The following NXN variants were observed in gnomAD, a reference collection of about 807,000 sequenced individuals.
The protein encoded by NXN is nucleoredoxin.
In NXN, 16 loss-of-function variants were observed where a neutral mutation model predicts 48.6. The observed-to-expected ratio is 0.33, with a 90% CI of 0.22 to 0.50. NXN has a LOEUF of 0.50. NXN is among the 20% of genes least tolerant of loss of function. The pLI is 0.98. For missense variants in NXN, 492 were observed against 605.5 expected, an observed-to-expected ratio of 0.81 and a Z score of 1.97; for synonymous variants, 281 against 269.6, an observed-to-expected ratio of 1.04 and a Z score of -0.41.
intron 1 of NXN, among the ~76,000 whole-genome samples, chr17:918,543 C>T (rs62070220): frequency 0.1 from 15,693 of 152,046 alleles, 837 homozygotes; most frequent in South Asian, 0.15. Flanking sequence ...TGCCTGTAAT[C>T]CCAGAAAGTG....
In NXN at chr17:917,117, C is replaced by T. The variant is rs1446460711; in HGVS notation, c.360+62202G>A. On this transcript the variant is annotated intron_variant, in intron 1 of 7. Coordinates refer to ENST00000336868, the MANE Select transcript of NXN (RefSeq NM_022463.5). This position sits in a 1 kb window ranked among gnomAD's most constrained non-coding sequence, Gnocchi z 4.5. ...TTGCCTCCAACAAGATTCCCTGTTC[C>T]TAAGTGAACCAAGGAATGAGGTGTT... 6.6e-6 allele frequency among the ~76,000 whole-genome samples: 1 copy of T among 151,998 alleles called. No individual in the cohort carries two copies. Among genetic ancestry groups the T allele is most frequent in the African/African-American group, 2.4e-5 (1 of 41,370 alleles).
chr17:885,267 CCTGGCCAAGAGACCAGT>C (rs1475690348), intron 1 of NXN, among the ~76,000 whole-genome samples: 2 of 152,104 alleles, frequency 1.3e-5, no homozygotes, highest in East Asian at 3.9e-4. Context: ...TTGAGACCAG[CCTGGCCAAGAGACCAGT>C]CTGGCCAACA....
chr17:951,088 G>C (rs940380935), intron 1 of NXN, among the ~76,000 whole-genome samples: 2 of 145,416 alleles, frequency 1.4e-5, no homozygotes, highest in African/African-American at 5.1e-5. Context: ...TGTAATCCCA[G>C]CACTTTGGGA....
At chr17:880,862 T>C (rs2068276420) in intron 1 of NXN, among the ~76,000 whole-genome samples, 1 of 152,090 alleles carries the variant, frequency 6.6e-6, no homozygotes, top group Non-Finnish European at 1.5e-5. Context: ...TGCAGTTGGT[T>C]TGATAACAGG....
chr17:844,938 C>T (rs936472028), intron 1 of NXN, among the ~76,000 whole-genome samples: 2 of 151,994 alleles, frequency 1.3e-5, no homozygotes, highest in African/African-American at 4.8e-5. Flanking sequence ...ACAGACCTAC[C>T]CCCAGGAGAC....
chr17:976,473 A>T (rs930319980), intron 1 of NXN, among the ~76,000 whole-genome samples: 27 of 152,252 alleles, frequency 1.8e-4, no homozygotes, highest in South Asian at 1.7e-3. Context: ...ATGAGAATTT[A>T]AAAAAAATTA....
At chr17:828,921 A>T (rs887528497) in intron 1 of NXN, among the ~76,000 whole-genome samples, 3 of 152,080 alleles carry the variant, frequency 2.0e-5, no homozygotes, top group Non-Finnish European at 2.9e-5. Context: ...CTTGGAGAAA[A>T]AAAATCACTG....
chr17:904,090 T>C lies in NXN; in HGVS notation c.360+75229A>G, dbSNP rs1388545268. On this transcript the variant is annotated intron_variant, in intron 1 of 7. Transcript: ENST00000336868. ...TAAATTTTTTTGGAGGTGATTCATG[T>C]AGAATTCCTGCCAAGAATTTTCATA... 2.6e-5 allele frequency among the ~76,000 whole-genome samples: 4 copies of C among 152,378 alleles called. 1 individual carries two copies. In the East Asian group the frequency reaches 7.7e-4, roughly 29 times the overall value.
At chr17:969,446 G>A (rs117889220) in intron 1 of NXN, among the ~76,000 whole-genome samples, 17 of 152,212 alleles carry the variant, frequency 1.1e-4, no homozygotes, top group East Asian at 9.6e-4. Context: ...GAAAGATCAC[G>A]GGTAAAAACA....
chr17:943,514 T>C (rs2069004699), intron 1 of NXN, among the ~76,000 whole-genome samples: 1 of 152,198 alleles, frequency 6.6e-6, no homozygotes, highest in Non-Finnish European at 1.5e-5. Flanking sequence ...CATTAAATCA[T>C]ATCTTTCTTC....
At chr17:844,602 T>C (rs1167532529) in intron 1 of NXN, among the ~76,000 whole-genome samples, 1 of 152,204 alleles carries the variant, frequency 6.6e-6, no homozygotes, top group Non-Finnish European at 1.5e-5. Context: ...TTCTTTTTTT[T>C]GAGATGGAGT....
Position 841,688 on chromosome 17 carries a change from G to GACCACA in NXN, c.361-15611_361-15610insTGTGGT, listed in dbSNP as rs1567828232. ...CGGCGAGCAGGTCCACCCTGACCAT[G>GACCACA]GCACATCTCACGCCGGTGAGCAGGT... On this transcript the variant is annotated intron_variant, in intron 1 of 7. Coordinates refer to ENST00000336868, the MANE Select transcript of NXN (RefSeq NM_022463.5). Among the ~76,000 whole-genome samples the GACCACA allele has an allele frequency of 7.9e-5, 9 of 113,562 alleles. 1 individual carries two copies. Among genetic ancestry groups the GACCACA allele is most frequent in the African/African-American group, 2.1e-4 (5 of 23,808 alleles). 74.5% of individuals were successfully genotyped at this position (113,562 alleles called of 152,430 possible). A position where few individuals can be genotyped will look rare whatever the true frequency, so the allele number is the denominator to read the frequency against.
intron 1 of NXN, among the ~76,000 whole-genome samples, chr17:960,103 T>A (rs977817795): frequency 2.0e-5 from 3 of 151,362 alleles, no homozygotes; most frequent in Non-Finnish European, 2.9e-5. Flanking sequence ...AAAAAAAAAA[T>A]GGAATAATCA....
At chr17:811,169 A>G (rs989212973) in intron 5 of NXN, among the ~76,000 whole-genome samples, 39 of 152,262 alleles carry the variant, frequency 2.6e-4, no homozygotes, top group African/African-American at 9.4e-4. Flanking sequence ...AACAGAGAAG[A>G]GGATTCAACG....
At chr17:970,011 G>A (rs2069354755) in intron 1 of NXN, among the ~76,000 whole-genome samples, 2 of 152,194 alleles carry the variant, frequency 1.3e-5, no homozygotes, top group South Asian at 4.1e-4. Flanking sequence ...TGGACAGAAG[G>A]AAGCGACGAA....
intron 1 of NXN, among the ~76,000 whole-genome samples, chr17:924,168 G>A (rs1429348938): frequency 1.3e-5 from 2 of 151,702 alleles, no homozygotes; most frequent in African/African-American, 4.8e-5. Context: ...TCTGCATCCT[G>A]CATATCTGGG....
intron 6 of NXN, 30 bp from the exon 7 acceptor site, chr17:803,836 G>T: frequency 6.2e-7 from 1 of 1,612,890 alleles, no homozygotes. Context: ...AGAAAAAGAC[G>T]GGGAGAAAAA....
chr17:931,834 CAAAAA>C (rs34072582), intron 1 of NXN, among the ~76,000 whole-genome samples: 30 of 88,404 alleles, frequency 3.4e-4, no homozygotes, highest in East Asian at 6.1e-4. Flanking sequence ...GACTCCGTCT[CAAAAA>C]AAAAAAAAAA....
intron 1 of NXN, among the ~76,000 whole-genome samples, chr17:973,465 T>C (rs1419177239): frequency 3.3e-5 from 5 of 152,224 alleles, no homozygotes; most frequent in African/African-American, 1.2e-4. Context: ...TGATCATCTT[T>C]AAGTTACAAG....
Sources: gnomAD v4.1 joint callset for allele counts (sites outside exome capture counted in the v4.1 genomes callset) on GRCh38, gnomAD v4.1.1 for gene constraint, Gnocchi (gnomAD v3.1) non-coding constraint, MANE v1.5 for transcripts, NCBI Gene and HGNC (gene_info 2026-07-23, HGNC 2026-07-21) for gene names.